EIF4G3: variants seen among roughly 807,000 people sequenced by gnomAD.
The protein encoded by EIF4G3 is eukaryotic translation initiation factor 4 gamma 3.
In EIF4G3, 34 loss-of-function variants were observed where a neutral mutation model predicts 186.4. That is an observed-to-expected ratio of 0.18 (90% CI 0.14 to 0.24). EIF4G3 has a LOEUF of 0.24. Among genes scored for constraint, EIF4G3 ranks in the 10% least tolerant of loss-of-function variants. The probability of loss-of-function intolerance (pLI) is 1.00; values close to 1 mark genes in which losing one functional copy is unlikely to be tolerated. For synonymous variants in EIF4G3, 673 were observed against 679.5 expected (o/e 0.99, Z 0.15); for missense variants, 1,536 against 1,948.5 (o/e 0.79, Z 3.99).
At chr1:20,842,285 T>C (rs1036513010) in intron 29 of EIF4G3, among the ~76,000 whole-genome samples, 4 of 152,256 alleles carry the variant, frequency 2.6e-5, no homozygotes, top group African/African-American at 9.6e-5. Context: ...CAGATTCCTT[T>C]AATCTAAAAT....
At chr1:20,975,598 C>T (rs1013216671) in intron 10 of EIF4G3, among the ~76,000 whole-genome samples, 1 of 150,106 alleles carries the variant, frequency 6.7e-6, no homozygotes, top group African/African-American at 2.4e-5. Context: ...TAATATACTA[C>T]TGCCTATACT....
chr1:21,006,717 A>G (rs886922021), intron 4 of EIF4G3, among the ~76,000 whole-genome samples: 10 of 152,316 alleles, frequency 6.6e-5, no homozygotes, highest in African/African-American at 2.4e-4. Context: ...AGTGATTTGG[A>G]CAGTCAACCA....
intron 2 of EIF4G3, among the ~76,000 whole-genome samples, chr1:21,090,367 C>G (rs1191875754): frequency 6.6e-6 from 1 of 152,076 alleles, no homozygotes; most frequent in Non-Finnish European, 1.5e-5. Context: ...GCCAACTAGG[C>G]AAATACACTT....
chr1:21,146,180 C>G (rs1362579265), intron 2 of EIF4G3, among the ~76,000 whole-genome samples: 1 of 151,926 alleles, frequency 6.6e-6, no homozygotes, highest in African/African-American at 2.4e-5. Flanking sequence ...ATAGTGAGAC[C>G]CAGTCTCTAC....
intron 2 of EIF4G3, among the ~76,000 whole-genome samples, chr1:21,136,937 G>A (rs1166549591): frequency 2.0e-5 from 3 of 152,138 alleles, no homozygotes; most frequent in Non-Finnish European, 2.9e-5. Flanking sequence ...ACACTGAAGT[G>A]CAAAGGCTTA....
At chr1:21,137,348 A>G (rs922756026) in intron 2 of EIF4G3, among the ~76,000 whole-genome samples, 1 of 151,988 alleles carries the variant, frequency 6.6e-6, no homozygotes, top group Non-Finnish European at 1.5e-5. Context: ...GTCTCACTAC[A>G]CTGCTCAGGC....
chr1:21,131,345 A>G lies in EIF4G3; in HGVS notation c.-271-42132T>C, dbSNP rs72654846. ...AGAAAAAAAAAAAAGAGGTTCCACTAATGTGGGAAAGTATCAAATGGTATA... is the reference window on the plus strand; with the variant it reads ...AGAAAAAAAAAAAAGAGGTTCCACTGATGTGGGAAAGTATCAAATGGTATA... On this transcript the variant is annotated intron_variant, in intron 2 of 36. Coordinates refer to ENST00000602326, the MANE Select transcript of EIF4G3 (RefSeq NM_001391906.1). 3.3e-3 allele frequency among the ~76,000 whole-genome samples: 506 copies of G among 151,470 alleles called. 2 individuals carry two copies. The highest frequency in any genetic ancestry group is 5.5e-3 in the Admixed American group (84 of 15,190).
chr1:20,929,175 T>TC (rs1572992203), intron 14 of EIF4G3, among the ~76,000 whole-genome samples: 1 of 152,102 alleles, frequency 6.6e-6, no homozygotes, highest in Non-Finnish European at 1.5e-5. Flanking sequence ...CTATTCATTT[T>TC]CCCCCCCATT....
At chr1:21,162,260 G>A (rs1037519080) in intron 2 of EIF4G3, among the ~76,000 whole-genome samples, 6 of 151,890 alleles carry the variant, frequency 4.0e-5, no homozygotes, top group Admixed American at 6.6e-5. Flanking sequence ...AGCCCAGCCC[G>A]GCCAACATGG....
intron 2 of EIF4G3, among the ~76,000 whole-genome samples, chr1:21,144,580 T>C (rs1380542478): frequency 6.6e-6 from 1 of 152,096 alleles, no homozygotes; most frequent in Admixed American, 6.6e-5. Flanking sequence ...TTTTTATGGA[T>C]GAAATACAAC....
At chr1:20,954,705 AC>A (rs2096354339) in intron 12 of EIF4G3, among the ~76,000 whole-genome samples, 1 of 152,086 alleles carries the variant, frequency 6.6e-6, no homozygotes. Context: ...CTTGTACAAA[AC>A]ACTATGAATC....
intron 4 of EIF4G3, among the ~76,000 whole-genome samples, chr1:21,025,413 G>A (rs551578918): frequency 1.3e-5 from 2 of 152,126 alleles, no homozygotes; most frequent in East Asian, 3.9e-4. Context: ...GGTACATAGT[G>A]ATAAGGGCCT....
At chr1:20,812,522 T>C (rs1320060423) in intron 35 of EIF4G3, among the ~76,000 whole-genome samples, 1 of 152,202 alleles carries the variant, frequency 6.6e-6, no homozygotes, top group Non-Finnish European at 1.5e-5. Context: ...ACCTTTGCAC[T>C]GATGAATTTT....
intron 14 of EIF4G3, among the ~76,000 whole-genome samples, chr1:20,929,099 T>C (rs1307691812): frequency 2.0e-5 from 3 of 152,236 alleles, no homozygotes; most frequent in African/African-American, 7.2e-5. Flanking sequence ...TATGTATATA[T>C]CACATTTTGT....
chr1:20,876,338 C>T (rs938986661), intron 20 of EIF4G3, among the ~76,000 whole-genome samples: 2 of 133,618 alleles, frequency 1.5e-5, no homozygotes, highest in Non-Finnish European at 3.1e-5. Flanking sequence ...GATGGTTGAA[C>T]AAGTTATGGT....
chr1:21,143,206 G>A (rs914805936), intron 2 of EIF4G3, among the ~76,000 whole-genome samples: 4 of 151,720 alleles, frequency 2.6e-5, no homozygotes, highest in Non-Finnish European at 4.4e-5. Context: ...CCGATATTGC[G>A]CCACTGTACT....
At chr1:21,160,768 A>C (rs1377610954) in intron 2 of EIF4G3, among the ~76,000 whole-genome samples, 1 of 152,210 alleles carries the variant, frequency 6.6e-6, no homozygotes, top group African/African-American at 2.4e-5. Flanking sequence ...TAAGAGAATA[A>C]AGAGAAATAA....
At chr1:21,034,276 C>A (rs2092995850) in intron 4 of EIF4G3, among the ~76,000 whole-genome samples, 1 of 152,154 alleles carries the variant, frequency 6.6e-6, no homozygotes, top group African/African-American at 2.4e-5. Flanking sequence ...TTATCTACCA[C>A]AAATATTGCT....
At chr1:20,834,048 A>G (rs999069086) in intron 30 of EIF4G3, among the ~76,000 whole-genome samples, 7 of 152,238 alleles carry the variant, frequency 4.6e-5, no homozygotes, top group African/African-American at 1.4e-4. Context: ...AATAACCAGA[A>G]AACAAATTAC....
Sources: allele counts gnomAD v4.1 joint callset (sites outside exome capture counted in the v4.1 genomes callset), GRCh38; gene constraint gnomAD v4.1.1; transcripts MANE v1.5; gene names NCBI Gene and HGNC (gene_info 2026-07-23, HGNC 2026-07-21).